MECOM: variants seen among roughly 807,000 people sequenced by gnomAD.
MECOM encodes histone-lysine N-methyltransferase MECOM.
A neutral mutation model predicts 116.3 loss-of-function variants in MECOM; 13 were observed. The observed-to-expected ratio is 0.11, with a 90% CI of 0.07 to 0.18. The LOEUF is 0.18. Ranked by LOEUF, MECOM falls within the 10% of genes least tolerant of loss-of-function variation. The pLI, the probability that MECOM is intolerant of heterozygous loss-of-function variation, is 1.00. For synonymous variants in MECOM, 528 were observed against 535.2 expected (o/e 0.99, Z 0.19); for missense variants, 1,299 against 1,509.0 (o/e 0.86, Z 2.31).
chr3:169,367,027 G>A (rs1324436863), intron 2 of MECOM, among the ~76,000 whole-genome samples: 1 of 152,090 alleles, frequency 6.6e-6, no homozygotes, highest in Non-Finnish European at 1.5e-5. Context: ...CCAGGAAGAA[G>A]GAGTCTTCTT....
intron 6 of MECOM, 120 bp from the exon 7 acceptor site, chr3:169,121,329 C>A: frequency 9.4e-7 from 1 of 1,069,406 alleles, no homozygotes; most frequent in Non-Finnish European, 1.3e-6. Flanking sequence ...TCCCCAAAGA[C>A]CAAAAGTGTA....
chr3:169,569,486 T>A (rs907096264), intron 1 of MECOM, among the ~76,000 whole-genome samples: 1 of 152,178 alleles, frequency 6.6e-6, no homozygotes, highest in African/African-American at 2.4e-5. Context: ...GCAGACCTAA[T>A]AGACATCTAC....
chr3:169,341,962 T>C (rs979380758), intron 2 of MECOM, among the ~76,000 whole-genome samples: 1 of 152,136 alleles, frequency 6.6e-6, no homozygotes, highest in Non-Finnish European at 1.5e-5. Context: ...CCCATACATA[T>C]ATACACCCAC....
In MECOM at chr3:169,486,016, AT is replaced by A. The variant is rs569094407; in HGVS notation, c.38-104493del. On this transcript the variant is annotated intron_variant, in intron 1 of 16. Transcript: ENST00000651503. ...ATATGTATATATATACTATATATATATGTATATATAGTATATATATATATGT... is the reference window on the plus strand; with the variant it reads ...ATATGTATATATATACTATATATATAGTATATATAGTATATATATATATGT... Among the ~76,000 whole-genome samples, 278 of 114,600 alleles carry A rather than the reference AT, an allele frequency of 2.4e-3. 19 individuals are homozygous for A. Among genetic ancestry groups the A allele is most frequent in the African/African-American group, 9.5e-3 (263 of 27,744 alleles). The allele number at this position is 114,600 out of a possible 152,430, so 75.2% of individuals were successfully genotyped here.
At chr3:169,535,476 G>A (rs927508584) in intron 1 of MECOM, among the ~76,000 whole-genome samples, 1 of 152,100 alleles carries the variant, frequency 6.6e-6, no homozygotes, top group Admixed American at 6.6e-5. Flanking sequence ...CAAATGTCTA[G>A]GTGCCACCTG....
intron 2 of MECOM, among the ~76,000 whole-genome samples, chr3:169,377,386 A>G (rs1731225179): frequency 6.6e-6 from 1 of 152,232 alleles, no homozygotes; most frequent in South Asian, 2.1e-4. Context: ...TGAACAGTCA[A>G]CCTACAGAAT....
At chr3:169,444,889 C>G (rs1744350900) in intron 1 of MECOM, among the ~76,000 whole-genome samples, 1 of 152,166 alleles carries the variant, frequency 6.6e-6, no homozygotes, top group Non-Finnish European at 1.5e-5. Context: ...GAAACTGGAG[C>G]AAAGGTGACT....
chr3:169,472,590 A>G lies in MECOM; in HGVS notation c.38-91066T>C, dbSNP rs185129009. 2.5e-4 allele frequency among the ~76,000 whole-genome samples: 16 copies of G among 64,674 alleles called. 1 individual carries two copies. Among genetic ancestry groups the G allele is most frequent in the Middle Eastern group, 7.8e-3 (1 of 128 alleles). 42.4% of individuals were successfully genotyped at this position (64,674 alleles called of 152,430 possible). On this transcript the variant is annotated intron_variant, in intron 1 of 16. Coordinates refer to ENST00000651503, the MANE Select transcript of MECOM (RefSeq NM_004991.4). Reference sequence around the variant, plus strand: ...GAGGAGAGGAGAGGAGAGGAAAGGAAAGGAAAGGAAAGGAAAGGAAAGGAA... The same window carrying G: ...GAGGAGAGGAGAGGAGAGGAAAGGAGAGGAAAGGAAAGGAAAGGAAAGGAA...
chr3:169,583,241 C>T (rs1260477356), intron 1 of MECOM, among the ~76,000 whole-genome samples: 1 of 152,174 alleles, frequency 6.6e-6, no homozygotes, highest in Non-Finnish European at 1.5e-5. Context: ...TCTTTTGTGC[C>T]TGCCTTTCAA....
chr3:169,208,889 C>T (rs1230314370), intron 2 of MECOM, among the ~76,000 whole-genome samples: 2 of 135,976 alleles, frequency 1.5e-5, no homozygotes, highest in Admixed American at 1.5e-4. Context: ...CCAAGACAAT[C>T]GTAAGCAAAA....
chr3:169,376,690 A>C lies in MECOM; in HGVS notation c.375+4497T>G, dbSNP rs536334126. Among the ~76,000 whole-genome samples, 1,268 of 152,318 alleles carry C rather than the reference A, an allele frequency of 8.3e-3. 17 individuals are homozygous for C. Among genetic ancestry groups the C allele is most frequent in the African/African-American group, 0.029 (1,218 of 41,576 alleles). On this transcript the variant is annotated intron_variant, in intron 2 of 16. Transcript: ENST00000651503. ...CAAGAAAATAAGAGAGGACACAAAA[A>C]ATGGAAAAAAATTCCATGCTAATGG... is the stretch of plus-strand genomic sequence containing the variant.
chr3:169,445,691 C>G (rs376730317), intron 1 of MECOM, among the ~76,000 whole-genome samples: 1 of 152,052 alleles, frequency 6.6e-6, no homozygotes, highest in Non-Finnish European at 1.5e-5. Context: ...GTAGATCCAC[C>G]GACAGCTTGC....
At position 169,089,064 on chromosome 3, in the gene MECOM, G is replaced by T; in HGVS notation, c.3521C>A (p.Ser1174Tyr). 1.2e-6 allele frequency: 2 copies of T among 1,610,438 alleles called. No homozygotes were observed. The highest frequency in any genetic ancestry group is 1.7e-6 in the Non-Finnish European group (2 of 1,178,480). Residue 1174 changes from serine to tyrosine, a missense_variant, in exon 16 of 17, where the codon TCT becomes TAT. Ser to Tyr is a moderately radical substitution (Grantham distance 144, BLOSUM62 -2). Around this residue, in one of 6 missense-constraint regions of MECOM, gnomAD observed 273 missense variants for 289.3 expected, o/e 0.94. Transcript: ENST00000651503. ...DNQYSEAELS[S>Y]FSTSHVPEEL... is the part of the protein sequence containing the mutation. ...CTCTGGCACATGGGAAGTACTAAAA[G>T]AAGACAGCTCAGCTTCAGAATATTG... is the stretch of plus-strand genomic sequence containing the variant.
intron 2 of MECOM, among the ~76,000 whole-genome samples, chr3:169,374,970 G>A (rs1275296806): frequency 6.6e-6 from 1 of 151,898 alleles, no homozygotes; most frequent in Admixed American, 6.6e-5. Flanking sequence ...TCAGCAGTGA[G>A]CTTTGATCAT....
At chr3:169,336,061 G>T (rs1250353228) in intron 2 of MECOM, among the ~76,000 whole-genome samples, 1 of 152,052 alleles carries the variant, frequency 6.6e-6, no homozygotes, top group Non-Finnish European at 1.5e-5. Flanking sequence ...TGGCTTTCTG[G>T]ATTCATCTTT....
intron 2 of MECOM, among the ~76,000 whole-genome samples, chr3:169,298,032 T>C (rs370174355): frequency 2.6e-5 from 4 of 152,182 alleles, no homozygotes; most frequent in African/African-American, 9.7e-5. Flanking sequence ...TTATACATCA[T>C]CCACGGCAAT....
At chr3:169,277,714 T>G (rs1284220854) in intron 2 of MECOM, among the ~76,000 whole-genome samples, 1 of 152,208 alleles carries the variant, frequency 6.6e-6, no homozygotes. Context: ...TTCCAATATT[T>G]ATTACTTTGG....
At chr3:169,466,051 A>G (rs1748251216) in intron 1 of MECOM, among the ~76,000 whole-genome samples, 1 of 152,070 alleles carries the variant, frequency 6.6e-6, no homozygotes, top group South Asian at 2.1e-4. Flanking sequence ...TTGATTCTAA[A>G]GTTGTATTTT....
intron 2 of MECOM, among the ~76,000 whole-genome samples, chr3:169,306,312 G>A (rs1717691097): frequency 6.6e-6 from 1 of 152,122 alleles, no homozygotes; most frequent in African/African-American, 2.4e-5. Context: ...TGATAGATAA[G>A]ACATATTCAT....
Sources: gnomAD v4.1 joint callset for allele counts (sites outside exome capture counted in the v4.1 genomes callset) on GRCh38, gnomAD v4.1.1 for gene constraint, gnomAD v4.1.1 regional missense constraint, MANE v1.5 for transcripts, NCBI Gene and HGNC (gene_info 2026-07-23, HGNC 2026-07-21) for gene names.